The following ALKBH8 variants were observed in gnomAD, a reference collection of about 807,000 sequenced individuals.
ALKBH8 encodes the protein alkB homolog 8, tRNA methyltransferase.
In ALKBH8, 36 loss-of-function variants were observed where a neutral mutation model predicts 59.8. The ratio of observed to expected loss-of-function variants is 0.60; its 90% CI spans 0.46 to 0.79. ALKBH8 has a LOEUF of 0.79. ALKBH8 is among the 30% of genes least tolerant of loss of function. The pLI, the probability that ALKBH8 is intolerant of heterozygous loss-of-function variation, is 0.00. For synonymous variants in ALKBH8, 276 were observed against 273.6 expected, an observed-to-expected ratio of 1.01 and a Z score of -0.09; for missense variants, 768 against 801.0, an observed-to-expected ratio of 0.96 and a Z score of 0.50.
At chr11:107,527,552 T>G (rs2135513862) in intron 8 of ALKBH8, among the ~76,000 whole-genome samples, 2 of 152,132 alleles carry the variant, frequency 1.3e-5, no homozygotes, top group Middle Eastern at 6.8e-3. Flanking sequence ...CTAATTGCTT[T>G]TTAAACAACA....
chr11:107,511,870 C>T (rs534675282), intron 10 of ALKBH8, among the ~76,000 whole-genome samples: 40 of 152,180 alleles, frequency 2.6e-4, no homozygotes, highest in Middle Eastern at 3.4e-3. Flanking sequence ...GCCAACACGC[C>T]CAGACAATTT....
At chr11:107,525,628 G>T in intron 8 of ALKBH8, 36 bp from the exon 9 acceptor site, 1 of 1,302,010 alleles carries the variant, frequency 7.7e-7, no homozygotes, top group Non-Finnish European at 9.9e-7. Flanking sequence ...ACTTAACATT[G>T]TATTAATAAA....
At position 107,544,070 on chromosome 11, in the gene ALKBH8, A is replaced by C. The variant is rs77243664; in HGVS notation, c.771+5683T>G. 6.9e-3 allele frequency among the ~76,000 whole-genome samples: 1,058 copies of C among 152,316 alleles called. 5 individuals are homozygous for C. Among genetic ancestry groups the C allele is most frequent in the Admixed American group, 0.011 (171 of 15,304 alleles). Reference sequence around the variant, plus strand: ...GCCAACTGGTAGTTTCATCTATACCACTTAAGCGGGCTTCTACTGTAGTTT... The same window carrying C: ...GCCAACTGGTAGTTTCATCTATACCCCTTAAGCGGGCTTCTACTGTAGTTT... On this transcript the variant is annotated intron_variant, in intron 7 of 11. Transcript: ENST00000428149.
intron 7 of ALKBH8, among the ~76,000 whole-genome samples, chr11:107,539,801 G>A (rs4754230): frequency 0.25 from 38,115 of 152,072 alleles, 5,540 homozygotes; most frequent in East Asian, 0.47. Context: ...TATGAAGCTC[G>A]AAGGAAAAGT....
At chr11:107,565,512 G>A in intron 1 of ALKBH8, 89 bp downstream of exon 1, 1 of 1,524,764 alleles carries the variant, frequency 6.6e-7, no homozygotes, top group Non-Finnish European at 8.8e-7. Flanking sequence ...GCCCTAGCTG[G>A]CAAGGCGGAT....
intron 10 of ALKBH8, among the ~76,000 whole-genome samples, chr11:107,513,200 A>T (rs1244933547): frequency 6.6e-6 from 1 of 152,202 alleles, no homozygotes; most frequent in East Asian, 1.9e-4. Flanking sequence ...AAACAAATTA[A>T]CATGCAAAAA....
chr11:107,521,511 G>C (rs949967905), intron 10 of ALKBH8, among the ~76,000 whole-genome samples: 1 of 151,968 alleles, frequency 6.6e-6, no homozygotes, highest in Admixed American at 6.6e-5. Context: ...AGCTGCTCTC[G>C]TTCTTTTTAC....
Position 107,556,922 on chromosome 11 carries a change from C to T in ALKBH8, c.211G>A (p.Val71Met). The T allele has an allele frequency of 6.2e-7, 1 of 1,612,632 alleles. No homozygotes were observed. ...LLPVLEKCGL[V>M]DALLMPPNKP... ...TTAGGTGGCATTAAGAGAGCATCCA[C>T]CAGTCCACATTTCTCTAAAACCGGG... The change falls in exon 3 of 12, where the codon GTG becomes ATG. Residue 71 changes from valine (V) to methionine (M), a missense_variant. Physicochemically the swap from Val to Met is conservative, Grantham distance 21. Transcript: ENST00000428149.
intron 8 of ALKBH8, among the ~76,000 whole-genome samples, chr11:107,530,122 G>GA (rs527414658): frequency 2.1e-3 from 325 of 152,102 alleles, no homozygotes; most frequent in Non-Finnish European, 3.8e-3. Flanking sequence ...GTAGAAAACT[G>GA]AAAAAAATAA....
chr11:107,528,616 G>C (rs1163341133), intron 8 of ALKBH8, among the ~76,000 whole-genome samples: 1 of 152,102 alleles, frequency 6.6e-6, no homozygotes, highest in Non-Finnish European at 1.5e-5. Flanking sequence ...CTCTATTATG[G>C]TTCTTTTAAA....
rs1357355524 is a variant in ALKBH8 at position 107,511,008 on chromosome 11, A to C, written c.1316T>G (p.Val439Gly). The C allele has an allele frequency of 1.9e-6, 3 of 1,551,866 alleles. No individual in the cohort carries two copies. Among genetic ancestry groups the C allele is most frequent in the African/African-American group, 2.7e-5 (2 of 73,052 alleles). ...AAATTGCCTCTCTCTACAAATGTCC[A>C]CAAGGTTTTGGCTACGATCACAACC... ...MIGCDRSQNL[V>G]DICRERQFQA... Residue 439 changes from valine to glycine, a missense_variant, in exon 11 of 12, where the codon GTG becomes GGG. Physicochemically the swap from Val to Gly is moderately radical, Grantham distance 109 (BLOSUM62 -3). Transcript: ENST00000428149.
At chr11:107,518,072 AAAAT>A (rs1862942351) in intron 10 of ALKBH8, among the ~76,000 whole-genome samples, 2 of 143,862 alleles carry the variant, frequency 1.4e-5, no homozygotes, top group Admixed American at 1.4e-4. Flanking sequence ...CTTTAATTTA[AAAAT>A]AAAATACAGA....
chr11:107,538,207 T>C (rs1031548183), intron 7 of ALKBH8, among the ~76,000 whole-genome samples: 5 of 144,854 alleles, frequency 3.5e-5, no homozygotes, highest in African/African-American at 1.3e-4. Flanking sequence ...TTTTGGCATA[T>C]AATTTGACAG....
rs905806549 is a variant in ALKBH8, at chr11:107,552,980, G to GT, written c.595+127dup. ...ACTATACAATTTATCTAATTAAAGT[G>GT]TTTTAAATAAACTGTTCAGAAAGTT... On this transcript the variant is annotated intron_variant, in intron 5 of 11. Coordinates refer to ENST00000428149, the MANE Select transcript of ALKBH8 (RefSeq NM_138775.3). 3 of 605,402 alleles carry GT rather than the reference G, an allele frequency of 5.0e-6. No individual in the cohort carries two copies. In the African/African-American group the frequency reaches 5.8e-5, roughly 12 times the overall value. The allele number at this position is 605,402 out of a possible 1,614,324, so 37.5% of individuals were successfully genotyped here.
At position 107,532,364 on chromosome 11, in the gene ALKBH8, C is replaced by T; in HGVS notation, c.814G>A (p.Val272Ile). 1.2e-6 allele frequency: 2 copies of T among 1,613,708 alleles called. No homozygotes were observed. Among genetic ancestry groups the T allele is most frequent in the Non-Finnish European group, 1.7e-6 (2 of 1,179,724 alleles). The change falls in exon 8 of 12, where the codon GTT becomes ATT. Residue 272 changes from valine (V) to isoleucine (I), a missense_variant. Val to Ile is a conservative substitution (Grantham distance 29, BLOSUM62 3). Transcript: ENST00000428149. ...AGCAAACTCCGACGAGGCAACATAA[C>T]TGGCACTGCAATGCCATCTGGGTGC... is the stretch of plus-strand genomic sequence containing the variant. ...FKHPDGIAVPVMLPRRSLLVM... is the reference protein window; with the variant it reads ...FKHPDGIAVPIMLPRRSLLVM...
At chr11:107,555,599 A>C (rs1350742204) in intron 3 of ALKBH8, among the ~76,000 whole-genome samples, 1 of 152,250 alleles carries the variant, frequency 6.6e-6, no homozygotes, top group Non-Finnish European at 1.5e-5. Flanking sequence ...ATGAGCACTG[A>C]GAAATATAGT....
chr11:107,533,644 G>C (rs963673034), intron 7 of ALKBH8, among the ~76,000 whole-genome samples: 2 of 152,078 alleles, frequency 1.3e-5, no homozygotes, highest in Non-Finnish European at 2.9e-5. Flanking sequence ...GAAGTTTTTA[G>C]AGATGAAGTG....
intron 11 of ALKBH8, among the ~76,000 whole-genome samples, chr11:107,509,989 T>TTCA: frequency 6.6e-6 from 1 of 152,332 alleles, no homozygotes; most frequent in African/African-American, 2.4e-5. Flanking sequence ...TTTACTGGTA[T>TTCA]AGCTGCTCCT....
intron 7 of ALKBH8, among the ~76,000 whole-genome samples, chr11:107,548,058 G>GT (rs1376219207): frequency 1.3e-5 from 2 of 152,150 alleles, no homozygotes; most frequent in African/African-American, 4.8e-5. Context: ...CACACTCCTA[G>GT]TTTTTTTCCA....
Sources: gnomAD v4.1 joint callset for allele counts (sites outside exome capture counted in the v4.1 genomes callset) on GRCh38, gnomAD v4.1.1 for gene constraint, MANE v1.5 for transcripts, NCBI Gene and HGNC (gene_info 2026-07-23, HGNC 2026-07-21) for gene names.